Variants in PPARGC1A observed in about 807,000 individuals in gnomAD.
The protein encoded by PPARGC1A is peroxisome proliferator-activated receptor gamma coactivator 1-alpha.
In PPARGC1A, 25 loss-of-function variants were observed where a neutral mutation model predicts 88.7. The observed-to-expected ratio is 0.28, with a 90% CI of 0.21 to 0.39. PPARGC1A has a LOEUF of 0.39. PPARGC1A is among the 10% of genes least tolerant of loss of function. PPARGC1A has a pLI of 1.00. For synonymous variants in PPARGC1A, 363 were observed against 355.6 expected (o/e 1.02, Z -0.24); for missense variants, 880 against 968.7 (o/e 0.91, Z 1.22).
upstream of PPARGC1A, among the ~76,000 whole-genome samples, chr4:23,894,207 G>C (rs1158177686): frequency 6.6e-6 from 1 of 151,946 alleles, no homozygotes; most frequent in African/African-American, 2.4e-5. Flanking sequence ...TAGAGCATTC[G>C]TCCAGAAAGC....
At chr4:24,056,622 T>A in the PPARGC1A span, among the ~76,000 whole-genome samples, 1 of 152,184 alleles carries the variant, frequency 6.6e-6, no homozygotes, top group Non-Finnish European at 1.5e-5. Context: ...TAGACTTGAA[T>A]AAAACCAGCT....
At chr4:24,051,061 G>A in the PPARGC1A span, among the ~76,000 whole-genome samples, 1 of 151,832 alleles carries the variant, frequency 6.6e-6, no homozygotes, top group Non-Finnish European at 1.5e-5. Context: ...GGTGGCGGGT[G>A]CCTATAGTCC....
chr4:23,956,944 A>C, the PPARGC1A span, among the ~76,000 whole-genome samples: 2 of 152,092 alleles, frequency 1.3e-5, no homozygotes, highest in African/African-American at 4.8e-5. Context: ...AGGTGCCCTT[A>C]GTTCCATTTT....
chr4:24,319,095 C>A, the PPARGC1A span, among the ~76,000 whole-genome samples: 1 of 151,918 alleles, frequency 6.6e-6, no homozygotes, highest in Non-Finnish European at 1.5e-5. Context: ...GGTTGTAATC[C>A]CACACTTCGG....
At chr4:24,099,663 C>T in the PPARGC1A span, among the ~76,000 whole-genome samples, 1 of 152,038 alleles carries the variant, frequency 6.6e-6, no homozygotes, top group African/African-American at 2.4e-5. Context: ...AGAAACTATC[C>T]AATTGGTTTA....
chr4:23,831,500 G>A, intron 3 of PPARGC1A, 57 bp downstream of exon 3: 2 of 1,452,816 alleles, frequency 1.4e-6, no homozygotes, highest in Non-Finnish European at 1.9e-6. Context: ...TCATACCCAT[G>A]CAGCGGGTAG....
At chr4:24,423,959 G>A in the PPARGC1A span, among the ~76,000 whole-genome samples, 1 of 152,168 alleles carries the variant, frequency 6.6e-6, no homozygotes, top group Non-Finnish European at 1.5e-5. Flanking sequence ...ACCTTTTCTA[G>A]ATCTGAGTCT....
the PPARGC1A span, among the ~76,000 whole-genome samples, chr4:24,309,213 A>T: frequency 6.6e-6 from 1 of 152,212 alleles, no homozygotes; most frequent in African/African-American, 2.4e-5. Flanking sequence ...AGGCAAAAAA[A>T]CAAGGTGATG....
At chr4:24,094,647 T>C in the PPARGC1A span, among the ~76,000 whole-genome samples, 26 of 152,214 alleles carry the variant, frequency 1.7e-4, no homozygotes, top group Non-Finnish European at 7.3e-5. Context: ...GAAAGCAAAG[T>C]GAAGCATCAA....
At chr4:23,850,593 C>T (rs1348717598) in intron 2 of PPARGC1A, among the ~76,000 whole-genome samples, 1 of 152,120 alleles carries the variant, frequency 6.6e-6, no homozygotes, top group Non-Finnish European at 1.5e-5. Flanking sequence ...AAACTTATTT[C>T]AAGGCAAAGG....
the PPARGC1A span, among the ~76,000 whole-genome samples, chr4:24,166,502 T>G: frequency 2.6e-5 from 4 of 152,190 alleles, no homozygotes; most frequent in African/African-American, 7.2e-5. Flanking sequence ...ATGCTTGGCT[T>G]CAAAGCTGAA....
At chr4:24,387,593 T>C in the PPARGC1A span, among the ~76,000 whole-genome samples, 3 of 151,628 alleles carry the variant, frequency 2.0e-5, no homozygotes, top group African/African-American at 7.3e-5. Context: ...GCATGGTAGC[T>C]CATGCTGGTA....
At chr4:24,353,811 G>A in the PPARGC1A span, among the ~76,000 whole-genome samples, 1 of 152,170 alleles carries the variant, frequency 6.6e-6, no homozygotes, top group Admixed American at 6.5e-5. Context: ...CAGAGCTCTT[G>A]ATTTTGATAG....
chr4:24,077,776 C>G, the PPARGC1A span, among the ~76,000 whole-genome samples: 1 of 151,816 alleles, frequency 6.6e-6, no homozygotes, highest in Admixed American at 6.6e-5. Context: ...TAACAGTTCT[C>G]TTCCCTCCAT....
At chr4:24,450,356 G>A in the PPARGC1A span, among the ~76,000 whole-genome samples, 1 of 152,132 alleles carries the variant, frequency 6.6e-6, no homozygotes, top group Non-Finnish European at 1.5e-5. Flanking sequence ...AACCTCAGAA[G>A]GTGAATGTTA....
the PPARGC1A span, among the ~76,000 whole-genome samples, chr4:24,224,288 C>T: frequency 1.9e-4 from 29 of 152,070 alleles, no homozygotes; most frequent in Middle Eastern, 3.4e-3. Flanking sequence ...GGAGATAAGA[C>T]GTTAAGAATA....
chr4:24,179,515 G>A, the PPARGC1A span, among the ~76,000 whole-genome samples: 1 of 151,976 alleles, frequency 6.6e-6, no homozygotes, highest in Non-Finnish European at 1.5e-5. Context: ...ACCCTTGCTG[G>A]TAGAACAAGC....
chr4:24,264,444 G>A, the PPARGC1A span, among the ~76,000 whole-genome samples: 1 of 152,214 alleles, frequency 6.6e-6, no homozygotes, highest in African/African-American at 2.4e-5. Context: ...GGTGCCGTGA[G>A]GACTGCATTT....
At chr4:24,417,519 C>G in the PPARGC1A span, among the ~76,000 whole-genome samples, 1 of 152,192 alleles carries the variant, frequency 6.6e-6, no homozygotes, top group Non-Finnish European at 1.5e-5. Context: ...GTAAATTCCC[C>G]TATAAAACAA....
Sources: gnomAD v4.1 joint callset for allele counts (sites outside exome capture counted in the v4.1 genomes callset) on GRCh38, gnomAD v4.1.1 for gene constraint, MANE v1.5 for transcripts, NCBI Gene and HGNC (gene_info 2026-07-23, HGNC 2026-07-21) for gene names.